The following RUNX1T1 variants were observed in gnomAD, a reference collection of about 807,000 sequenced individuals.
RUNX1T1 encodes the protein RUNX1 partner transcriptional co-repressor 1.
Under a neutral mutation model 62.8 loss-of-function variants are expected in RUNX1T1, and 4 were observed. That is an observed-to-expected ratio of 0.06 (90% CI 0.03 to 0.15). RUNX1T1 has a LOEUF of 0.15. Ranked by LOEUF, RUNX1T1 falls within the 10% of genes least tolerant of loss-of-function variation. The pLI, the probability that RUNX1T1 is intolerant of heterozygous loss-of-function variation, is 1.00. For missense variants in RUNX1T1, 508 were observed against 754.3 expected (o/e 0.67, Z 3.82); for synonymous variants, 291 against 286.0 (o/e 1.02, Z -0.18).
intron 1 of RUNX1T1, among the ~76,000 whole-genome samples, chr8:92,098,727 G>T (rs552868264): frequency 6.6e-6 from 1 of 152,240 alleles, no homozygotes. Context: ...GATTTCATTA[G>T]CTGAAAACCT....
intron 2 of RUNX1T1, among the ~76,000 whole-genome samples, chr8:92,016,769 A>G (rs1823094197): frequency 6.6e-6 from 1 of 152,208 alleles, no homozygotes; most frequent in Non-Finnish European, 1.5e-5. Context: ...TTTTTAACAC[A>G]AGGATATTAT....
At chr8:92,102,886 C>T (rs1327013421), upstream of RUNX1T1, 3 of 1,520,486 alleles carry the variant, frequency 2.0e-6, no homozygotes, top group Admixed American at 2.1e-5. This position sits in a 1 kb window ranked among gnomAD's most constrained non-coding sequence, Gnocchi z 4.5. Flanking sequence ...TCCCACCATC[C>T]GCCACAGGCT....
At position 91,976,851 on chromosome 8, in the gene RUNX1T1, T is replaced by C. The variant is rs538243360; in HGVS notation, c.1199-878A>G. 3.3e-5 allele frequency among the ~76,000 whole-genome samples: 5 copies of C among 152,294 alleles called. No individual in the cohort carries two copies. In the East Asian group the frequency reaches 5.8e-4, roughly 18 times the overall value. On this transcript the variant is annotated intron_variant, in intron 8 of 10. Coordinates refer to ENST00000396218, the Ensembl canonical transcript of RUNX1T1. ...TGGATTTTCAATAAAAGCCTCCTTA[T>C]ATAGAAGAGTTCGGTAAGAAAAAAA... is the stretch of plus-strand genomic sequence containing the variant.
At chr8:92,047,938 CA>C (rs1418203420) in intron 1 of RUNX1T1, among the ~76,000 whole-genome samples, 1 of 152,114 alleles carries the variant, frequency 6.6e-6, no homozygotes, top group Non-Finnish European at 1.5e-5. Context: ...GGATGCATGT[CA>C]GGGATCTGAG....
chr8:92,032,478 A>G (rs1307842495), intron 1 of RUNX1T1, among the ~76,000 whole-genome samples: 4 of 152,222 alleles, frequency 2.6e-5, no homozygotes, highest in Non-Finnish European at 4.4e-5. Context: ...ATGAGCCAAG[A>G]CCAATAATGG....
chr8:92,001,092 G>A (rs1819663468), intron 5 of RUNX1T1, among the ~76,000 whole-genome samples: 1 of 152,112 alleles, frequency 6.6e-6, no homozygotes, highest in Non-Finnish European at 1.5e-5. Context: ...TCAGGAGCCT[G>A]AGGCAGCAGG....
chr8:92,049,433 T>C (rs1295325526), intron 1 of RUNX1T1, among the ~76,000 whole-genome samples: 2 of 152,158 alleles, frequency 1.3e-5, no homozygotes, highest in Non-Finnish European at 1.5e-5. Context: ...CCAGCAAGAA[T>C]ACAGCAGCCA....
chr8:92,089,353 T>G (rs559688476), intron 1 of RUNX1T1, among the ~76,000 whole-genome samples: 1 of 152,316 alleles, frequency 6.6e-6, no homozygotes, highest in Non-Finnish European at 1.5e-5. Flanking sequence ...AATAGCAAAC[T>G]ATTTCTTCAG....
intron 8 of RUNX1T1, among the ~76,000 whole-genome samples, chr8:91,978,159 T>G (rs992769958): frequency 3.3e-5 from 5 of 152,144 alleles, no homozygotes; most frequent in Admixed American, 2.0e-4. Context: ...CCAAAGTCCA[T>G]GCATGAAAGA....
At chr8:92,040,123 T>G (rs964198906) in intron 1 of RUNX1T1, among the ~76,000 whole-genome samples, 33 of 152,200 alleles carry the variant, frequency 2.2e-4, no homozygotes, top group African/African-American at 7.7e-4. Flanking sequence ...TACCAGGTCA[T>G]GGTCTTCCCT....
At chr8:91,982,462 T>C (rs1815536678) in intron 8 of RUNX1T1, among the ~76,000 whole-genome samples, 1 of 152,150 alleles carries the variant, frequency 6.6e-6, no homozygotes, top group Admixed American at 6.5e-5. Context: ...AAAGAGCTAC[T>C]AAGGAGATTC....
At chr8:92,017,865 G>A (rs998636769) in intron 1 of RUNX1T1, among the ~76,000 whole-genome samples, 1 of 152,142 alleles carries the variant, frequency 6.6e-6, no homozygotes, top group Non-Finnish European at 1.5e-5. Flanking sequence ...AGATGAAATA[G>A]GTTATCGTCT....
chr8:92,038,091 C>A lies in RUNX1T1; in HGVS notation c.8-20728G>T, dbSNP rs1037355521. Among the ~76,000 whole-genome samples, 24 of 143,716 alleles carry A rather than the reference C, an allele frequency of 1.7e-4. 1 individual carries two copies. Among genetic ancestry groups the A allele is most frequent in the Admixed American group, 1.6e-3 (24 of 14,878 alleles). The allele number at this position is 143,716 out of a possible 152,430, so 94.3% of individuals were successfully genotyped here. A position where few individuals can be genotyped will look rare whatever the true frequency, so the allele number is the denominator to read the frequency against. ...ATTTATGTATTCTGTGAGACAGGGT[C>A]TCACTCTGTTGTACAGGCTAGAGAG... On this transcript the variant is annotated intron_variant, in intron 1 of 10. Coordinates refer to ENST00000396218, the Ensembl canonical transcript of RUNX1T1.
At chr8:91,977,388 T>C (rs1463812036) in intron 8 of RUNX1T1, 1 of 194,822 alleles carries the variant, frequency 5.1e-6, no homozygotes, top group East Asian at 8.2e-5. Flanking sequence ...TGTATATTCA[T>C]TTCTATAAAG....
intron 1 of RUNX1T1, among the ~76,000 whole-genome samples, chr8:92,021,502 A>T (rs1163090561): frequency 6.6e-6 from 1 of 152,122 alleles, no homozygotes; most frequent in African/African-American, 2.4e-5. Context: ...TGAAAGTCAA[A>T]CACTAAGATG....
At chr8:91,987,231 A>C (rs184347595) in intron 6 of RUNX1T1, among the ~76,000 whole-genome samples, 1 of 152,334 alleles carries the variant, frequency 6.6e-6, no homozygotes, top group Non-Finnish European at 1.5e-5. Context: ...GTTAAGTGAC[A>C]CCAACTCCAC....
At chr8:91,995,764 G>A (rs964455771) in intron 5 of RUNX1T1, among the ~76,000 whole-genome samples, 2 of 152,082 alleles carry the variant, frequency 1.3e-5, no homozygotes, top group Non-Finnish European at 2.9e-5. Context: ...TCCAGCCTGA[G>A]CAACAGAGTG....
chr8:92,014,615 T>G, exon 3 of RUNX1T1: 2 of 1,612,984 alleles, frequency 1.2e-6, no homozygotes, highest in Non-Finnish European at 1.7e-6. Flanking sequence ...CTCTTTCTCC[T>G]ATCTCGGGTG....
chr8:92,047,026 C>T (rs1443373901), intron 1 of RUNX1T1, among the ~76,000 whole-genome samples: 1 of 152,102 alleles, frequency 6.6e-6, no homozygotes, highest in African/African-American at 2.4e-5. Flanking sequence ...ATATACTCAA[C>T]CAAGCGCTGG....
Sources: allele counts gnomAD v4.1 joint callset (sites outside exome capture counted in the v4.1 genomes callset), GRCh38; gene constraint gnomAD v4.1.1; non-coding constraint Gnocchi (gnomAD v3.1); transcripts MANE v1.5; gene names NCBI Gene and HGNC (gene_info 2026-07-23, HGNC 2026-07-21).